The following GHR variants were observed in gnomAD, a reference collection of about 807,000 sequenced individuals.
The protein encoded by GHR is growth hormone receptor, also known as GH receptor.
GHR carries 35 observed loss-of-function variants against 67.1 expected under a neutral mutation model. The ratio of observed to expected loss-of-function variants is 0.52; its 90% CI spans 0.40 to 0.69. GHR has a LOEUF of 0.69. Ranked by LOEUF, GHR falls within the 30% of genes least tolerant of loss-of-function variation. GHR has a pLI of 0.00. For synonymous variants in GHR, 272 were observed against 269.1 expected, an observed-to-expected ratio of 1.01 and a Z score of -0.10; for missense variants, 792 against 764.6, an observed-to-expected ratio of 1.04 and a Z score of -0.42.
chr5:42,719,104 G>T lies in GHR; in HGVS notation c.1597G>T (p.Ala533Ser), dbSNP rs1247196208. The T allele has an allele frequency of 4.3e-6, 7 of 1,614,008 alleles. No homozygotes were observed. In the Admixed American group the frequency reaches 1.2e-4, roughly 27 times the overall value. The part of the protein sequence containing the change: ...LCQENFLMDN[A>S]YFCEADAKKC... Reference sequence around the variant, plus strand: ...CCAAGAAAACTTCCTTATGGACAATGCCTACTTCTGTGAGGCAGATGCCAA... The same window carrying T: ...CCAAGAAAACTTCCTTATGGACAATTCCTACTTCTGTGAGGCAGATGCCAA... Residue 533 changes from alanine (A) to serine (S), a missense_variant, in exon 10 of 10, where the codon GCC becomes TCC. By Grantham distance (99) the Ala-to-Ser change is moderately conservative. Transcript: ENST00000230882.
intron 2 of GHR, among the ~76,000 whole-genome samples, chr5:42,567,767 CTGTGTGTGTGTGTGTGTGTG>C (rs68150223): frequency 2.0e-4 from 28 of 140,814 alleles, no homozygotes; most frequent in African/African-American, 5.5e-4. Context: ...ATGCTTGGCT[CTGTGTGTGTGTGTGTGTGTG>C]TGTGTGTGTG....
chr5:42,428,354 C>T (rs887576772), intron 1 of GHR, among the ~76,000 whole-genome samples: 2 of 152,184 alleles, frequency 1.3e-5, no homozygotes, highest in African/African-American at 4.8e-5. Context: ...ACCTAGGCTG[C>T]ACCTAGCAGG....
chr5:42,611,070 G>A (rs1280906649), intron 2 of GHR, among the ~76,000 whole-genome samples: 1 of 152,162 alleles, frequency 6.6e-6, no homozygotes, highest in East Asian at 1.9e-4. Flanking sequence ...GAAATGCATT[G>A]ATGAAGGCCC....
chr5:42,575,816 G>A (rs1029790856), intron 2 of GHR, among the ~76,000 whole-genome samples: 25 of 151,126 alleles, frequency 1.7e-4, no homozygotes, highest in Non-Finnish European at 2.8e-4. Flanking sequence ...CGGGTGGATC[G>A]AGAGGTCAAG....
At chr5:42,672,000 C>T (rs1288060314) in intron 3 of GHR, among the ~76,000 whole-genome samples, 1 of 149,698 alleles carries the variant, frequency 6.7e-6, no homozygotes, top group Non-Finnish European at 1.5e-5. Context: ...GAATATTTCT[C>T]AAAATAGTAA....
intron 3 of GHR, among the ~76,000 whole-genome samples, chr5:42,642,985 G>A (rs192622544): frequency 5.3e-5 from 8 of 152,258 alleles, no homozygotes; most frequent in Admixed American, 1.3e-4. Context: ...ATCACTGAAT[G>A]TAGAGCCTAT....
At chr5:42,609,769 T>C (rs2112668079) in intron 2 of GHR, among the ~76,000 whole-genome samples, 2 of 152,346 alleles carry the variant, frequency 1.3e-5, no homozygotes, top group South Asian at 4.1e-4. Context: ...GCTTTCTTAA[T>C]ATTAATCTTG....
chr5:42,476,156 G>C (rs1745304407), intron 1 of GHR, among the ~76,000 whole-genome samples: 1 of 152,068 alleles, frequency 6.6e-6, no homozygotes, highest in Non-Finnish European at 1.5e-5. Flanking sequence ...GCCCGCCTCA[G>C]CCTCCCAAAG....
At chr5:42,650,103 C>T (rs1054499770) in intron 3 of GHR, among the ~76,000 whole-genome samples, 4 of 151,916 alleles carry the variant, frequency 2.6e-5, no homozygotes, top group African/African-American at 4.8e-5. Flanking sequence ...TCGTGGGTGA[C>T]GGGAACTGTC....
chr5:42,576,999 C>G (rs899019411), intron 2 of GHR, among the ~76,000 whole-genome samples: 1 of 152,134 alleles, frequency 6.6e-6, no homozygotes, highest in African/African-American at 2.4e-5. Context: ...ACCTTCTCAT[C>G]AAGAGAGGAA....
chr5:42,500,172 G>T (rs1439378235), intron 1 of GHR, among the ~76,000 whole-genome samples: 1 of 152,212 alleles, frequency 6.6e-6, no homozygotes, highest in East Asian at 1.9e-4. Context: ...CTGGATTTCA[G>T]CCCTTACTCT....
chr5:42,439,621 A>G (rs1009137553), intron 1 of GHR, among the ~76,000 whole-genome samples: 1 of 152,306 alleles, frequency 6.6e-6, no homozygotes. Context: ...GTAGAAGGAG[A>G]TATATTAGTG....
rs535315543 is a variant in GHR at position 42,643,763 on chromosome 5, G to A, written c.136+14660G>A. The stretch of plus-strand genomic sequence containing the variant: ...AAACAGCCCAGAATATCTGAAAAGG[G>A]AGAAGTGACTTAATCATTTCTATTC... On this transcript the variant is annotated intron_variant, in intron 3 of 9. Transcript: ENST00000230882. Among the ~76,000 whole-genome samples, 3 of 152,014 alleles carry A rather than the reference G, an allele frequency of 2.0e-5. No homozygotes were observed. In the South Asian group the frequency reaches 6.2e-4, roughly 32 times the overall value.
At chr5:42,514,280 G>C in intron 1 of GHR, 1 of 984,534 alleles carries the variant, frequency 1.0e-6, no homozygotes, top group East Asian at 1.1e-4. Context: ...CTTTGGATTG[G>C]CAGACCCAGG....
intron 1 of GHR, among the ~76,000 whole-genome samples, chr5:42,562,152 A>G (rs1241127494): frequency 6.6e-6 from 1 of 152,188 alleles, no homozygotes; most frequent in African/African-American, 2.4e-5. Context: ...AGAATCTAAT[A>G]GAGAAGGATT....
chr5:42,674,355 A>G, intron 3 of GHR, among the ~76,000 whole-genome samples: 1 of 152,178 alleles, frequency 6.6e-6, no homozygotes, highest in East Asian at 1.9e-4. Context: ...TTTTTTATTG[A>G]GATAAAACCC....
At chr5:42,690,139 C>T (rs890755056) in intron 4 of GHR, among the ~76,000 whole-genome samples, 4 of 152,238 alleles carry the variant, frequency 2.6e-5, no homozygotes, top group South Asian at 2.1e-4. Flanking sequence ...TTAGTGAGGA[C>T]CCTTTATCCT....
intron 1 of GHR, among the ~76,000 whole-genome samples, chr5:42,522,175 A>G (rs528968132): frequency 1.3e-5 from 2 of 152,316 alleles, no homozygotes; most frequent in South Asian, 4.1e-4. Flanking sequence ...GTAATTTTAA[A>G]AAAGGCCATT....
intron 4 of GHR, among the ~76,000 whole-genome samples, chr5:42,693,575 A>G (rs1757529793): frequency 6.6e-6 from 1 of 152,076 alleles, no homozygotes; most frequent in Admixed American, 6.5e-5. Context: ...ATACTACACA[A>G]GTTTTCTCCT....
Sources: allele counts gnomAD v4.1 joint callset (sites outside exome capture counted in the v4.1 genomes callset), GRCh38; gene constraint gnomAD v4.1.1; transcripts MANE v1.5; gene names NCBI Gene and HGNC (gene_info 2026-07-23, HGNC 2026-07-21).